IGSF21: variants seen among roughly 807,000 people sequenced by gnomAD.
IGSF21 encodes the protein immunoglobulin superfamily member 21.
Under a neutral mutation model 46.8 loss-of-function variants are expected in IGSF21, and 28 were observed. That is an observed-to-expected ratio of 0.60 (90% CI 0.44 to 0.82). The LOEUF (loss-of-function observed/expected upper bound fraction) is 0.82, where lower values mean the gene tolerates loss of function less well. Ranked by LOEUF, IGSF21 falls within the 40% of genes least tolerant of loss-of-function variation. The pLI, the probability that IGSF21 is intolerant of heterozygous loss-of-function variation, is 0.00. For synonymous variants in IGSF21, 284 were observed against 273.6 expected, an observed-to-expected ratio of 1.04 and a Z score of -0.38; for missense variants, 624 against 665.5, an observed-to-expected ratio of 0.94 and a Z score of 0.69.
At chr1:18,127,168 C>T (rs1235365254) in intron 1 of IGSF21, among the ~76,000 whole-genome samples, 1 of 152,106 alleles carries the variant, frequency 6.6e-6, no homozygotes, top group African/African-American at 2.4e-5. Context: ...TTCTTATCTG[C>T]AAAATGGGAG....
intron 1 of IGSF21, among the ~76,000 whole-genome samples, chr1:18,147,362 C>T (rs1170740084): frequency 6.6e-6 from 1 of 152,078 alleles, no homozygotes; most frequent in African/African-American, 2.4e-5. Flanking sequence ...TTGCTTTCTC[C>T]CAAGCGTGCT....
intron 1 of IGSF21, among the ~76,000 whole-genome samples, chr1:18,151,944 C>T (rs1269534462): frequency 2.0e-5 from 3 of 152,072 alleles, no homozygotes; most frequent in African/African-American, 7.2e-5. Context: ...CAGGTTGCTC[C>T]AGGGATTTGG....
intron 1 of IGSF21, among the ~76,000 whole-genome samples, chr1:18,178,723 C>T (rs570247661): frequency 6.6e-5 from 10 of 152,128 alleles, no homozygotes; most frequent in African/African-American, 1.7e-4. Context: ...TCGGCTTCTC[C>T]GGCCAGCAAG....
At chr1:18,341,920 G>A (rs1036515645) in intron 4 of IGSF21, among the ~76,000 whole-genome samples, 6 of 152,160 alleles carry the variant, frequency 3.9e-5, no homozygotes, top group African/African-American at 1.4e-4. Context: ...TGCTTTGCAA[G>A]TCTGGAGCCA....
At chr1:18,154,715 A>G (rs1216789794) in intron 1 of IGSF21, among the ~76,000 whole-genome samples, 4 of 151,986 alleles carry the variant, frequency 2.6e-5, no homozygotes, top group African/African-American at 9.7e-5. Context: ...CAAGAGCTAA[A>G]CTATTTAGGC....
chr1:18,353,783 C>G (rs796391690), intron 4 of IGSF21, among the ~76,000 whole-genome samples: 78 of 152,284 alleles, frequency 5.1e-4, no homozygotes, highest in African/African-American at 1.9e-3. Flanking sequence ...AGAAAAATGT[C>G]TCAGTGTGTT....
intron 6 of IGSF21, among the ~76,000 whole-genome samples, chr1:18,367,603 C>T (rs866803056): frequency 9.5e-5 from 7 of 73,964 alleles, no homozygotes; most frequent in South Asian, 6.0e-4. Context: ...CTCTCTCTCT[C>T]TTTTTTTTTT....
At position 18,160,626 on chromosome 1, in the gene IGSF21, C is replaced by T. The variant is rs562737494; in HGVS notation, c.70+52428C>T. ...TTCCTCACAGGGTCTGGGGAAGGAC[C>T]GGGCACTCAGAGCGTGCTCATTCGG... On this transcript the variant is annotated intron_variant, in intron 1 of 9. Coordinates refer to ENST00000251296, the MANE Select transcript of IGSF21 (RefSeq NM_032880.5). Among the ~76,000 whole-genome samples, 63 of 152,132 alleles carry T rather than the reference C, an allele frequency of 4.1e-4. 1 individual carries two copies. The highest frequency in any genetic ancestry group is 1.4e-3 in the East Asian group (7 of 5,166).
intron 1 of IGSF21, among the ~76,000 whole-genome samples, chr1:18,181,878 G>A (rs2086860835): frequency 1.3e-5 from 2 of 152,060 alleles, no homozygotes; most frequent in South Asian, 4.2e-4. Flanking sequence ...ACACTGAGAG[G>A]GACGGCGGGC....
chr1:18,342,352 C>A (rs1011219212), intron 4 of IGSF21, among the ~76,000 whole-genome samples: 16 of 152,318 alleles, frequency 1.1e-4, no homozygotes, highest in Middle Eastern at 3.4e-3. Flanking sequence ...CCTCGGCCCC[C>A]CAAAGTGCTG....
chr1:18,133,549 C>T (rs2086341209), intron 1 of IGSF21, among the ~76,000 whole-genome samples: 1 of 152,230 alleles, frequency 6.6e-6, no homozygotes, highest in African/African-American at 2.4e-5. Flanking sequence ...GACAGGTGCT[C>T]CATGCTGCCG....
intron 1 of IGSF21, among the ~76,000 whole-genome samples, chr1:18,168,121 T>G (rs2086697793): frequency 1.4e-5 from 2 of 148,104 alleles, no homozygotes; most frequent in African/African-American, 2.5e-5. Flanking sequence ...GGGGTGGGGG[T>G]GGGGTGAAGA....
At chr1:18,185,078 G>T (rs1346253091) in intron 1 of IGSF21, among the ~76,000 whole-genome samples, 2 of 152,236 alleles carry the variant, frequency 1.3e-5, no homozygotes. Context: ...AATTACTCAT[G>T]CATGGCAGAT....
intron 6 of IGSF21, among the ~76,000 whole-genome samples, chr1:18,371,359 G>A (rs941453353): frequency 6.6e-6 from 1 of 152,142 alleles, no homozygotes; most frequent in Non-Finnish European, 1.5e-5. Context: ...ATCACTTGCA[G>A]CCGGGAGTTT....
chr1:18,239,277 G>A (rs1226522723), intron 2 of IGSF21, among the ~76,000 whole-genome samples: 1 of 152,050 alleles, frequency 6.6e-6, no homozygotes, highest in Non-Finnish European at 1.5e-5. Flanking sequence ...ACTGAAATGA[G>A]GGATGTTTCC....
Position 18,335,682 on chromosome 1 carries a change from C to A in IGSF21, c.424+672C>A, listed in dbSNP as rs2085759077. 6.6e-6 allele frequency among the ~76,000 whole-genome samples: 1 copy of A among 152,198 alleles called. No homozygotes were observed. Among genetic ancestry groups the A allele is most frequent in the African/African-American group, 2.4e-5 (1 of 41,442 alleles). On this transcript the variant is annotated intron_variant, in intron 4 of 9. Coordinates refer to ENST00000251296, the MANE Select transcript of IGSF21 (RefSeq NM_032880.5). This position sits in a 1 kb window ranked among gnomAD's most constrained non-coding sequence, Gnocchi z 4.8. The stretch of plus-strand genomic sequence containing the variant: ...ATTGCAAGGATGCTGGGGACTTGGC[C>A]TTGACTCCAGACTCTGTGTTCTCCG...
chr1:18,229,449 G>T (rs1017918947), intron 2 of IGSF21, among the ~76,000 whole-genome samples: 8 of 152,172 alleles, frequency 5.3e-5, no homozygotes, highest in Admixed American at 5.2e-4. Flanking sequence ...TGTCTTGGCT[G>T]CTCTGCTTTG....
chr1:18,244,017 G>A (rs1353931606), intron 2 of IGSF21, among the ~76,000 whole-genome samples: 1 of 152,216 alleles, frequency 6.6e-6, no homozygotes, highest in East Asian at 1.9e-4. Context: ...AACCAAGCAT[G>A]CCTGGAACAG....
Position 18,335,026 on chromosome 1 carries a change from C to T in IGSF21, c.424+16C>T. The T allele has an allele frequency of 1.3e-6, 2 of 1,579,948 alleles. No homozygotes were observed. The highest frequency in any genetic ancestry group is 1.7e-6 in the Non-Finnish European group (2 of 1,148,760). ...AACGTCATGGGTGAGTGCAGGGCCA[C>T]TGGCCCCTGGTGTCTCAGTGAGGAG... On this transcript the variant is annotated intron_variant, in intron 4 of 9. Transcript: ENST00000251296. The surrounding 1 kb of genome is among the most constrained non-coding windows in gnomAD (Gnocchi z 4.8).
Sources: gnomAD v4.1 joint callset for allele counts (sites outside exome capture counted in the v4.1 genomes callset) on GRCh38, gnomAD v4.1.1 for gene constraint, Gnocchi (gnomAD v3.1) non-coding constraint, MANE v1.5 for transcripts, NCBI Gene and HGNC (gene_info 2026-07-23, HGNC 2026-07-21) for gene names.